CAST: variants seen among roughly 807,000 people sequenced by gnomAD.
CAST encodes the protein MIR583 host.
A neutral mutation model predicts 119.6 loss-of-function variants in CAST; 76 were observed. The ratio of observed to expected loss-of-function variants is 0.64; its 90% confidence interval spans 0.53 to 0.77. The LOEUF is 0.77. CAST is among the 30% of genes least tolerant of loss of function. CAST has a pLI of 0.00. For missense variants in CAST, 953 were observed against 946.5 expected (o/e 1.01, Z -0.09); for synonymous variants, 319 against 331.6 (o/e 0.96, Z 0.41).
chr5:96,621,969 C>CTTTTTTTTTTTT lies in CAST; in HGVS notation c.61-53563_61-53552dup, dbSNP rs35728460. 1.8e-5 allele frequency among the ~76,000 whole-genome samples: 2 copies of CTTTTTTTTTTTT among 113,702 alleles called. 1 individual carries two copies. Among genetic ancestry groups the CTTTTTTTTTTTT allele is most frequent in the Admixed American group, 2.0e-4 (2 of 9,828 alleles). The allele number at this position is 113,702 out of a possible 152,430, so 74.6% of individuals were successfully genotyped here. A position where few individuals can be genotyped will look rare whatever the true frequency, so the allele number is the denominator to read the frequency against. ...GCATTCTTTTTTTTTCTTTTTTTCT[C>CTTTTTTTTTTTT]TTTTTTTTTTTTTTTTTTGAGATGG... On this transcript the variant is annotated intron_variant, in intron 1 of 11. Transcript: ENST00000505143.
the CAST span, among the ~76,000 whole-genome samples, chr5:95,990,486 A>G: frequency 6.6e-6 from 1 of 152,024 alleles, no homozygotes; most frequent in Non-Finnish European, 1.5e-5. Flanking sequence ...TTGGCTTACT[A>G]TTGAAAAATA....
chr5:96,058,002 G>A, the CAST span, among the ~76,000 whole-genome samples: 3 of 152,154 alleles, frequency 2.0e-5, no homozygotes, highest in Non-Finnish European at 4.4e-5. Context: ...TAGAAATATC[G>A]AGCAAAAGAT....
At chr5:96,152,048 G>A in the CAST span, among the ~76,000 whole-genome samples, 2 of 152,130 alleles carry the variant, frequency 1.3e-5, no homozygotes, top group Non-Finnish European at 2.9e-5. Context: ...GACAGTCTCA[G>A]GAGGAAGGAG....
chr5:96,603,199 C>A (rs144415240), intron 1 of CAST, among the ~76,000 whole-genome samples: 1 of 152,010 alleles, frequency 6.6e-6, no homozygotes, highest in African/African-American at 2.4e-5. Flanking sequence ...AAGAATAGGG[C>A]GTTGTAATGG....
At chr5:96,134,521 C>T in the CAST span, among the ~76,000 whole-genome samples, 1 of 152,192 alleles carries the variant, frequency 6.6e-6, no homozygotes, top group East Asian at 1.9e-4. Context: ...AGGGATTGCT[C>T]CCACCCACAG....
the CAST span, among the ~76,000 whole-genome samples, chr5:96,476,265 A>G: frequency 6.6e-6 from 1 of 152,244 alleles, no homozygotes; most frequent in African/African-American, 2.4e-5. Flanking sequence ...ATTTTCCATT[A>G]GAATTATTTT....
Position 96,695,785 on chromosome 5 carries a change from A to G in CAST, c.139-51A>G, listed in dbSNP as rs780983491. 38 of 1,204,920 alleles carry G rather than the reference A, an allele frequency of 3.2e-5. No homozygotes were observed. In the East Asian group the frequency reaches 9.0e-4, roughly 29 times the overall value. The allele number at this position is 1,204,920 out of a possible 1,614,324, so 74.6% of individuals were successfully genotyped here. On this transcript the variant is annotated intron_variant, in intron 2 of 31. Transcript: ENST00000675179. ...TTGATATGTAAGTTTGCATTTGACTACATTGGTAAGGTGTTTTCCCCCATT... is the reference window on the plus strand; with the variant it reads ...TTGATATGTAAGTTTGCATTTGACTGCATTGGTAAGGTGTTTTCCCCCATT...
the CAST span, among the ~76,000 whole-genome samples, chr5:96,512,241 C>T: frequency 3.3e-5 from 5 of 152,204 alleles, no homozygotes; most frequent in African/African-American, 9.6e-5. Context: ...TCCACTAAAA[C>T]TGTTACCAAT....
At chr5:96,538,894 T>C (rs1019048509) in intron 1 of CAST, among the ~76,000 whole-genome samples, 2 of 92,366 alleles carry the variant, frequency 2.2e-5, no homozygotes, top group Non-Finnish European at 4.7e-5. Flanking sequence ...ATCAAATGAC[T>C]CAGAGAGGTA....
chr5:96,702,569 C>T (rs1330783696), intron 3 of CAST, among the ~76,000 whole-genome samples: 1 of 152,212 alleles, frequency 6.6e-6, no homozygotes, highest in Non-Finnish European at 1.5e-5. Flanking sequence ...CACAGGGTGA[C>T]AGCCGAGGGA....
the CAST span, among the ~76,000 whole-genome samples, chr5:96,104,640 T>G: frequency 6.6e-5 from 10 of 151,664 alleles, no homozygotes; most frequent in African/African-American, 2.4e-4. Flanking sequence ...TACTGTAGCC[T>G]TGTAGTATAG....
chr5:96,664,772 T>C (rs1046674687), intron 1 of CAST, among the ~76,000 whole-genome samples: 2 of 152,230 alleles, frequency 1.3e-5, no homozygotes, highest in East Asian at 1.9e-4. Flanking sequence ...TCCCTTGAGA[T>C]ACTTCTTCAT....
At chr5:96,352,978 C>A in the CAST span, among the ~76,000 whole-genome samples, 1 of 152,134 alleles carries the variant, frequency 6.6e-6, no homozygotes, top group Non-Finnish European at 1.5e-5. Flanking sequence ...GTCAATTAAA[C>A]CTCTTTTCCT....
the CAST span, among the ~76,000 whole-genome samples, chr5:96,042,564 T>G: frequency 6.6e-6 from 1 of 152,190 alleles, no homozygotes. Context: ...TCGATATGAT[T>G]AATTATTATT....
the CAST span, among the ~76,000 whole-genome samples, chr5:96,297,274 T>G: frequency 6.6e-6 from 1 of 152,168 alleles, no homozygotes; most frequent in South Asian, 2.1e-4. Context: ...AAAGGGAAAT[T>G]CAAGGAACAA....
At chr5:96,102,930 A>G in the CAST span, among the ~76,000 whole-genome samples, 2 of 152,128 alleles carry the variant, frequency 1.3e-5, no homozygotes, top group Non-Finnish European at 2.9e-5. Flanking sequence ...AGTGGTGGAG[A>G]TAAGAAAATA....
chr5:96,259,825 A>G, the CAST span, among the ~76,000 whole-genome samples: 2 of 151,988 alleles, frequency 1.3e-5, no homozygotes, highest in Non-Finnish European at 2.9e-5. Flanking sequence ...GTGCAGTTCT[A>G]AACTTTTCAA....
At chr5:96,694,809 A>G (rs952004558) in intron 2 of CAST, among the ~76,000 whole-genome samples, 3 of 152,206 alleles carry the variant, frequency 2.0e-5, no homozygotes, top group Admixed American at 2.0e-4. Context: ...AAATAGTTAC[A>G]TAAGAAAACA....
chr5:96,013,765 T>TA, the CAST span, among the ~76,000 whole-genome samples: 1 of 152,050 alleles, frequency 6.6e-6, no homozygotes, highest in South Asian at 2.1e-4. Context: ...TACCTAAACA[T>TA]AAAAAAGTAC....
Sources: gnomAD v4.1 joint callset for allele counts (sites outside exome capture counted in the v4.1 genomes callset) on GRCh38, gnomAD v4.1.1 for gene constraint, MANE v1.5 for transcripts, NCBI Gene and HGNC (gene_info 2026-07-23, HGNC 2026-07-21) for gene names.